The following ENOX1 variants were observed in gnomAD, a reference collection of about 807,000 sequenced individuals.
ENOX1 encodes candidate growth-related and time keeping constitutive hydroquinone (NADH) oxidase.
Under a neutral mutation model 82.5 loss-of-function variants are expected in ENOX1, and 42 were observed. The ratio of observed to expected loss-of-function variants is 0.51; its 90% CI spans 0.40 to 0.66. ENOX1 has a LOEUF of 0.66. ENOX1 is among the 30% of genes least tolerant of loss of function. The pLI, the probability that ENOX1 is intolerant of heterozygous loss-of-function variation, is 0.00. For synonymous variants in ENOX1, 271 were observed against 282.2 expected, an observed-to-expected ratio of 0.96 and a Z score of 0.40; for missense variants, 608 against 811.6, an observed-to-expected ratio of 0.75 and a Z score of 3.05.
intron 2 of ENOX1, among the ~76,000 whole-genome samples, chr13:43,568,562 G>A (rs933898867): frequency 2.6e-5 from 4 of 152,136 alleles, no homozygotes; most frequent in African/African-American, 4.8e-5. Flanking sequence ...GGTTAAGCCA[G>A]ATCACAAGCT....
Position 43,707,731 on chromosome 13 carries a change from C to CAAA in ENOX1, c.-284-40190_-284-40188dup, listed in dbSNP as rs1379285097. On this transcript the variant is annotated intron_variant, in intron 1 of 16. Transcript: ENST00000690772. ...CTGGTGACAGAGAAAGACTCTGTCT[C>CAAA]AAAAAAAAAAAAAAAAAAAAAAAAA... Among the ~76,000 whole-genome samples, 130 of 49,208 alleles carry CAAA rather than the reference C, an allele frequency of 2.6e-3. 4 individuals carry two copies. The highest frequency in any genetic ancestry group is 3.3e-3 in the Non-Finnish European group (88 of 26,708). 32.3% of individuals were successfully genotyped at this position (49,208 alleles called of 152,430 possible). A position where few individuals can be genotyped will look rare whatever the true frequency, so the allele number is the denominator to read the frequency against.
chr13:43,755,324 CA>C (rs1255831201), intron 1 of ENOX1, among the ~76,000 whole-genome samples: 1 of 152,082 alleles, frequency 6.6e-6, no homozygotes, highest in African/African-American at 2.4e-5. Context: ...GAAAAACATA[CA>C]GAAATAACAT....
At chr13:43,721,402 G>A (rs1406794963) in intron 1 of ENOX1, among the ~76,000 whole-genome samples, 3 of 99,170 alleles carry the variant, frequency 3.0e-5, no homozygotes, top group Admixed American at 1.5e-4. Context: ...TTTTTGAGAC[G>A]GAGTCTTGCT....
chr13:43,613,141 AGTT>A lies in ENOX1; in HGVS notation c.-219+54335_-219+54337del, dbSNP rs373233305. 2.8e-3 allele frequency among the ~76,000 whole-genome samples: 427 copies of A among 152,286 alleles called. 3 individuals are homozygous for A. Among genetic ancestry groups the A allele is most frequent in the African/African-American group, 0.01 (416 of 41,568 alleles). ...ATTTGAGTGATAACAAATTTAGATG[AGTT>A]AACAGAATACATACATACCTCCTTA... is the stretch of plus-strand genomic sequence containing the variant. On this transcript the variant is annotated intron_variant, in intron 2 of 16. Transcript: ENST00000690772.
intron 14 of ENOX1, among the ~76,000 whole-genome samples, chr13:43,261,325 G>T (rs936049543): frequency 6.6e-6 from 1 of 152,142 alleles, no homozygotes; most frequent in Non-Finnish European, 1.5e-5. Context: ...TACTATAAGG[G>T]TGCAGCAGCT....
At chr13:43,384,724 G>C (rs1210322830) in intron 5 of ENOX1, among the ~76,000 whole-genome samples, 1 of 152,208 alleles carries the variant, frequency 6.6e-6, no homozygotes, top group African/African-American at 2.4e-5. Flanking sequence ...ACAGCACACT[G>C]TCTTTGAAAC....
intron 1 of ENOX1, among the ~76,000 whole-genome samples, chr13:43,693,116 C>T (rs1404799018): frequency 6.6e-6 from 1 of 152,004 alleles, no homozygotes; most frequent in Non-Finnish European, 1.5e-5. Context: ...AAGAAAAAAA[C>T]TTAGAAGGAT....
intron 2 of ENOX1, among the ~76,000 whole-genome samples, chr13:43,622,846 G>A (rs1485507976): frequency 2.0e-5 from 3 of 152,042 alleles, no homozygotes; most frequent in African/African-American, 7.3e-5. Context: ...TTTATCTTCC[G>A]CTACTAGGGT....
intron 2 of ENOX1, among the ~76,000 whole-genome samples, chr13:43,528,787 G>C (rs1593648632): frequency 6.6e-6 from 1 of 152,102 alleles, no homozygotes. Context: ...CGGCCAAAAA[G>C]AAGTCCACTA....
At chr13:43,715,612 C>T (rs562039275) in intron 1 of ENOX1, among the ~76,000 whole-genome samples, 13 of 151,726 alleles carry the variant, frequency 8.6e-5, no homozygotes, top group South Asian at 2.1e-4. Flanking sequence ...ACCAATCAGA[C>T]GTAGATTTGG....
chr13:43,353,047 C>T (rs1004392697), intron 8 of ENOX1, among the ~76,000 whole-genome samples: 9 of 152,166 alleles, frequency 5.9e-5, no homozygotes, highest in Non-Finnish European at 8.8e-5. Flanking sequence ...GCTAGGACAG[C>T]GCCAGTCATA....
chr13:43,607,187 C>T (rs1222556588), intron 2 of ENOX1, among the ~76,000 whole-genome samples: 3 of 151,992 alleles, frequency 2.0e-5, no homozygotes, highest in African/African-American at 7.2e-5. Context: ...GCATTGTATG[C>T]ATGTATCAAA....
intron 5 of ENOX1, among the ~76,000 whole-genome samples, chr13:43,379,366 A>G (rs888072521): frequency 1.4e-4 from 22 of 152,122 alleles, no homozygotes; most frequent in African/African-American, 5.3e-4. Context: ...AATAAATAAC[A>G]CATAGATGAC....
Position 43,562,356 on chromosome 13 carries a change from A to T in ENOX1, c.-218-78204T>A, listed in dbSNP as rs529991682. Among the ~76,000 whole-genome samples, 56 of 152,196 alleles carry T rather than the reference A, an allele frequency of 3.7e-4. No individual in the cohort carries two copies. In the South Asian group the frequency reaches 0.011, roughly 31 times the overall value. On this transcript the variant is annotated intron_variant, in intron 2 of 16. Coordinates refer to ENST00000690772, the MANE Select transcript of ENOX1 (RefSeq NM_001347969.2). ...TAAGATATTTACAAGCCACATGGTA[A>T]CCTCAAATAAAAAAATACAATAGAT...
At chr13:43,774,034 A>G (rs546187282) in intron 1 of ENOX1, among the ~76,000 whole-genome samples, 1 of 152,380 alleles carries the variant, frequency 6.6e-6, no homozygotes, top group Non-Finnish European at 1.5e-5. Flanking sequence ...ACTTCTTAGA[A>G]TCAGCTCAAT....
At chr13:43,468,384 T>C (rs928946395) in intron 3 of ENOX1, among the ~76,000 whole-genome samples, 6 of 151,998 alleles carry the variant, frequency 3.9e-5, no homozygotes, top group African/African-American at 1.4e-4. Context: ...GGTTTCACCA[T>C]GCTGGCCAGC....
intron 11 of ENOX1, among the ~76,000 whole-genome samples, chr13:43,307,917 G>T (rs7319871): frequency 1.4e-4 from 22 of 152,214 alleles, no homozygotes; most frequent in African/African-American, 4.6e-4. Flanking sequence ...CCGGGCCCCG[G>T]GAACAGCCTT....
At chr13:43,455,584 C>A (rs1391949786) in intron 3 of ENOX1, among the ~76,000 whole-genome samples, 1 of 152,076 alleles carries the variant, frequency 6.6e-6, no homozygotes, top group Non-Finnish European at 1.5e-5. Context: ...TATGGAACCT[C>A]ATGGATTAAT....
chr13:43,622,509 T>G (rs1441358869), intron 2 of ENOX1, among the ~76,000 whole-genome samples: 2 of 152,154 alleles, frequency 1.3e-5, no homozygotes, highest in Non-Finnish European at 2.9e-5. Context: ...CAGTAACTGT[T>G]GTCTGTCTTC....
Sources: allele counts gnomAD v4.1 joint callset (sites outside exome capture counted in the v4.1 genomes callset), GRCh38; gene constraint gnomAD v4.1.1; transcripts MANE v1.5; gene names NCBI Gene and HGNC (gene_info 2026-07-23, HGNC 2026-07-21).